The following ARPP21 variants were observed in gnomAD, a reference collection of about 807,000 sequenced individuals.
ARPP21 encodes cAMP regulated phosphoprotein 21.
A neutral mutation model predicts 113.2 loss-of-function variants in ARPP21; 69 were observed. That is an observed-to-expected ratio of 0.61 (90% CI 0.50 to 0.74). The LOEUF (loss-of-function observed/expected upper bound fraction) is 0.74. Among genes scored for constraint, ARPP21 ranks in the 30% least tolerant of loss-of-function variants. The pLI, the probability that ARPP21 is intolerant of heterozygous loss-of-function variation, is 0.00. For synonymous variants in ARPP21, 368 were observed against 375.5 expected, an observed-to-expected ratio of 0.98 and a Z score of 0.23; for missense variants, 1,070 against 1,037.4, an observed-to-expected ratio of 1.03 and a Z score of -0.43.
intron 11 of ARPP21, among the ~76,000 whole-genome samples, chr3:35,712,514 C>CTGTG (rs10579469): frequency 0.087 from 11,609 of 132,720 alleles, 623 homozygotes; most frequent in Middle Eastern, 0.13. Context: ...TCTAAGGTGT[C>CTGTG]TGTGTGTGTG....
intron 15 of ARPP21, among the ~76,000 whole-genome samples, 183 bp from the exon 16 acceptor site, chr3:35,736,995 C>A (rs1021310999): frequency 6.6e-6 from 1 of 152,200 alleles, no homozygotes; most frequent in African/African-American, 2.4e-5. Context: ...CCCACTGTCA[C>A]CTAGCTTAAG....
Position 35,737,171 on chromosome 3 carries a change from A to G in ARPP21, c.1460-7A>G. ...CTTACCTGGACTAAGTTCTGATTCC[A>G]TTGCAGGCCAGCCCTTTGTGAATCC... On this transcript the variant is annotated splice_region_variant and splice_polypyrimidine_tract_variant and intron_variant, in intron 15 of 20. Coordinates refer to ENST00000684406, the MANE Select transcript of ARPP21 (RefSeq NM_001385562.1). 6.3e-7 allele frequency: 1 copy of G among 1,587,986 alleles called. No homozygotes were observed. The highest frequency in any genetic ancestry group is 8.6e-7 in the Non-Finnish European group (1 of 1,159,856).
intron 1 of ARPP21, among the ~76,000 whole-genome samples, chr3:35,645,665 A>C (rs1699928521): frequency 6.6e-6 from 1 of 151,984 alleles, no homozygotes. Context: ...TGGAACTCTT[A>C]ATAATGGATA....
At position 35,640,309 on chromosome 3, in the gene ARPP21, T is replaced by C. The variant is rs1231613357; in HGVS notation, c.-302T>C. ...CAAACAAATCCAGCCAAATCAATCA[T>C]TGAGAAACAATAATATTAATAAAAT... On this transcript the variant is annotated 5_prime_UTR_variant, in exon 1 of 21. Coordinates refer to ENST00000684406, the MANE Select transcript of ARPP21 (RefSeq NM_001385562.1). The C allele has an allele frequency of 6.6e-6, 1 of 152,202 alleles. No homozygotes were observed. Among genetic ancestry groups the C allele is most frequent in the Non-Finnish European group, 1.5e-5 (1 of 68,098 alleles). 9.4% of individuals were successfully genotyped at this position (152,202 alleles called of 1,614,324 possible).
intron 19 of ARPP21, among the ~76,000 whole-genome samples, chr3:35,763,238 A>G (rs529211824): frequency 6.6e-6 from 1 of 152,100 alleles, no homozygotes; most frequent in South Asian, 2.1e-4. Context: ...GGTTTTGATT[A>G]ATAGTTCTCT....
chr3:35,750,311 C>A (rs181782547), intron 19 of ARPP21, among the ~76,000 whole-genome samples: 44 of 151,918 alleles, frequency 2.9e-4, no homozygotes, highest in Admixed American at 2.6e-3. Flanking sequence ...TTCTCTGAGA[C>A]CTTATCTTTG....
At chr3:35,710,162 A>G (rs1022486764) in intron 11 of ARPP21, among the ~76,000 whole-genome samples, 9 of 152,176 alleles carry the variant, frequency 5.9e-5, no homozygotes, top group African/African-American at 2.2e-4. Context: ...TAGAATTTTG[A>G]AGATTGGATG....
chr3:35,787,256 G>C (rs2096652178), intron 19 of ARPP21, among the ~76,000 whole-genome samples: 1 of 152,052 alleles, frequency 6.6e-6, no homozygotes, highest in African/African-American at 2.4e-5. Context: ...TGTTTCTAAA[G>C]GCCAAGTTAC....
intron 1 of ARPP21, among the ~76,000 whole-genome samples, chr3:35,644,502 T>C (rs1351430330): frequency 6.6e-6 from 1 of 152,006 alleles, no homozygotes; most frequent in Non-Finnish European, 1.5e-5. Flanking sequence ...TGTTATCTTA[T>C]AGTCTCAAAA....
At chr3:35,709,604 A>T (rs1231341879) in intron 11 of ARPP21, among the ~76,000 whole-genome samples, 4 of 152,190 alleles carry the variant, frequency 2.6e-5, no homozygotes, top group African/African-American at 9.7e-5. Flanking sequence ...TGTCAAGGGA[A>T]TAATCATAAA....
intron 13 of ARPP21, among the ~76,000 whole-genome samples, chr3:35,720,745 T>C (rs2092974500): frequency 6.6e-6 from 1 of 152,184 alleles, no homozygotes; most frequent in African/African-American, 2.4e-5. Flanking sequence ...CACATGCAAT[T>C]TTGCATATTT....
chr3:35,676,020 T>C (rs537792850), intron 1 of ARPP21, among the ~76,000 whole-genome samples: 22 of 152,028 alleles, frequency 1.4e-4, no homozygotes, highest in Admixed American at 9.8e-4. Flanking sequence ...TTAATTTGCT[T>C]ATTTTTTAAT....
intron 11 of ARPP21, chr3:35,714,888 C>G (rs2092121690): frequency 1.3e-5 from 2 of 151,952 alleles, no homozygotes; most frequent in South Asian, 4.2e-4. Context: ...CTGGCCTTCC[C>G]CTCTTACTTA....
chr3:35,681,960 T>A, intron 3 of ARPP21, 80 bp downstream of exon 3: 7 of 1,426,790 alleles, frequency 4.9e-6, no homozygotes, highest in African/African-American at 2.9e-5. Context: ...ACTTTAGAGA[T>A]TTATTTTTTA....
At chr3:35,710,987 A>G (rs1439410333) in intron 11 of ARPP21, among the ~76,000 whole-genome samples, 1 of 152,242 alleles carries the variant, frequency 6.6e-6, no homozygotes, top group African/African-American at 2.4e-5. Context: ...AAAAAATAAA[A>G]GCACATTTAA....
intron 19 of ARPP21, among the ~76,000 whole-genome samples, chr3:35,778,419 G>C (rs572125887): frequency 6.6e-6 from 1 of 151,464 alleles, no homozygotes; most frequent in African/African-American, 2.4e-5. Context: ...GAGAGCCAGC[G>C]AGCAGTCCTC....
At chr3:35,730,080 GA>G (rs2093839916) in intron 15 of ARPP21, among the ~76,000 whole-genome samples, 1 of 152,206 alleles carries the variant, frequency 6.6e-6, no homozygotes, top group South Asian at 2.1e-4. Context: ...AATACAGAGA[GA>G]AAATTATTAT....
chr3:35,763,290 A>C (rs922155552), intron 19 of ARPP21, among the ~76,000 whole-genome samples: 1 of 152,082 alleles, frequency 6.6e-6, no homozygotes. Flanking sequence ...CTCCCTTACA[A>C]CTGGGCTGTT....
intron 19 of ARPP21, among the ~76,000 whole-genome samples, chr3:35,747,148 C>T (rs796912673): frequency 7.9e-5 from 12 of 151,916 alleles, no homozygotes; most frequent in Admixed American, 2.6e-4. Context: ...GTCAGGAGCT[C>T]GAGACCAGCC....
Sources: allele counts gnomAD v4.1 joint callset (sites outside exome capture counted in the v4.1 genomes callset), GRCh38; gene constraint gnomAD v4.1.1; transcripts MANE v1.5; gene names NCBI Gene and HGNC (gene_info 2026-07-23, HGNC 2026-07-21).